Variants in TYW1B observed in about 807,000 individuals in gnomAD.
TYW1B encodes tRNA-yW synthesizing protein 1 homolog B, also known as S-adenosyl-L-methionine-dependent tRNA 4-demethylwyosine synthase TYW1B.
TYW1B carries 73 observed loss-of-function variants against 86.9 expected under a neutral mutation model. That is an observed-to-expected ratio of 0.84 (90% CI 0.70 to 1.02). The LOEUF is 1.02. Ranked by LOEUF, TYW1B falls within the 50% of genes least tolerant of loss-of-function variation. TYW1B has a pLI of 0.00. For missense variants in TYW1B, 637 were observed against 827.4 expected, an observed-to-expected ratio of 0.77 and a Z score of 2.82; for synonymous variants, 248 against 292.8, an observed-to-expected ratio of 0.85 and a Z score of 1.56.
intron 7 of TYW1B, among the ~76,000 whole-genome samples, chr7:72,757,440 AC>A (rs1486149338): frequency 1.2e-4 from 18 of 152,204 alleles, no homozygotes; most frequent in Admixed American, 5.9e-4. Context: ...ATAAAAAAAA[AC>A]AATGGAGAAC....
chr7:72,716,243 G>C (rs1786780836), intron 9 of TYW1B, among the ~76,000 whole-genome samples: 1 of 152,050 alleles, frequency 6.6e-6, no homozygotes, highest in Non-Finnish European at 1.5e-5. Context: ...AGCCATTATT[G>C]GCCATCTTTG....
intron 11 of TYW1B, among the ~76,000 whole-genome samples, chr7:72,674,129 A>G (rs563006215): frequency 8.5e-5 from 13 of 152,200 alleles, no homozygotes; most frequent in African/African-American, 2.9e-4. Flanking sequence ...TGAAGTGTGG[A>G]GTGTCAGCAA....
chr7:72,785,381 TATTCTA>T (rs1554472262), intron 6 of TYW1B, among the ~76,000 whole-genome samples: 1 of 147,792 alleles, frequency 6.8e-6, no homozygotes, highest in African/African-American at 2.4e-5. Flanking sequence ...ATTAAAGTTA[TATTCTA>T]ATTCTAATTA....
chr7:72,787,705 AG>A (rs1554472732), intron 6 of TYW1B, among the ~76,000 whole-genome samples: 1 of 151,972 alleles, frequency 6.6e-6, no homozygotes, highest in Non-Finnish European at 1.5e-5. Flanking sequence ...AGGGAGGTAG[AG>A]GCTGCAGTGA....
intron 11 of TYW1B, among the ~76,000 whole-genome samples, chr7:72,636,297 G>A (rs1288849058): frequency 2.0e-5 from 3 of 152,062 alleles, no homozygotes; most frequent in Non-Finnish European, 4.4e-5. Flanking sequence ...AGCTGACTGT[G>A]TATCTATATA....
chr7:72,710,398 T>TA (rs1786626506), intron 10 of TYW1B, among the ~76,000 whole-genome samples: 1 of 152,220 alleles, frequency 6.6e-6, no homozygotes, highest in Admixed American at 6.5e-5. Flanking sequence ...CATTGACTTT[T>TA]AAAAAACATT....
intron 7 of TYW1B, among the ~76,000 whole-genome samples, chr7:72,752,331 T>C (rs1422997828): frequency 6.6e-6 from 1 of 151,990 alleles, no homozygotes; most frequent in Non-Finnish European, 1.5e-5. Flanking sequence ...ATTTGGATTA[T>C]AAACTAAGAA....
At chr7:72,687,503 C>T (rs1390397326) in intron 11 of TYW1B, among the ~76,000 whole-genome samples, 2 of 152,042 alleles carry the variant, frequency 1.3e-5, no homozygotes, top group Admixed American at 6.6e-5. Flanking sequence ...TGTATCTGGA[C>T]TTGTATTCAG....
intron 7 of TYW1B, among the ~76,000 whole-genome samples, chr7:72,761,187 C>G (rs1421839907): frequency 6.6e-6 from 1 of 151,974 alleles, no homozygotes; most frequent in Non-Finnish European, 1.5e-5. Flanking sequence ...TTATTTCCAA[C>G]TAAGATTTTT....
chr7:72,644,559 A>C (rs1246893386), intron 11 of TYW1B, among the ~76,000 whole-genome samples: 4 of 152,158 alleles, frequency 2.6e-5, no homozygotes, highest in African/African-American at 4.8e-5. Flanking sequence ...ATCAATCAAT[A>C]AATATAAATA....
intron 3 of TYW1B, among the ~76,000 whole-genome samples, chr7:72,812,651 G>C (rs1403986239): frequency 1.3e-5 from 2 of 151,688 alleles, no homozygotes; most frequent in Non-Finnish European, 2.9e-5. Flanking sequence ...ACTAAGACAG[G>C]GCCGGTAAAC....
chr7:72,794,820 CTTTTT>C (rs782680796), intron 6 of TYW1B, among the ~76,000 whole-genome samples: 3 of 139,148 alleles, frequency 2.2e-5, no homozygotes. Context: ...CCCCACTTTT[CTTTTT>C]TTTTTTTTTT....
Position 72,713,679 on chromosome 7 carries a change from G to A in TYW1B, c.1312C>T (p.His438Tyr), listed in dbSNP as rs782556917. The change falls in exon 10 of 14, where the codon CAC becomes TAC. Residue 438 changes from histidine (H) to tyrosine (Y), a missense_variant. His to Tyr is a moderately conservative substitution (Grantham distance 83). Transcript: ENST00000620995. ...PEINRFLKLL[H>Y]QCKISSFLVT... ...AGGAAGCTGGAGATTTTACACTGGT[G>A]GAGTAGCTTCAAAAACCTGTTGATC... The A allele has an allele frequency of 3.7e-6, 6 of 1,613,908 alleles. No individual in the cohort carries two copies. Among genetic ancestry groups the A allele is most frequent in the Non-Finnish European group, 4.2e-6 (5 of 1,180,004 alleles).
intron 7 of TYW1B, among the ~76,000 whole-genome samples, chr7:72,763,035 T>C (rs1787711204): frequency 6.6e-6 from 1 of 152,092 alleles, no homozygotes; most frequent in South Asian, 2.1e-4. Context: ...TCTTTCTGTT[T>C]CTGATTAAAT....
intron 11 of TYW1B, among the ~76,000 whole-genome samples, chr7:72,643,167 T>C (rs1334405351): frequency 5.9e-5 from 9 of 151,804 alleles, no homozygotes; most frequent in African/African-American, 2.2e-4. Flanking sequence ...TAAGCAATAA[T>C]ATAAATATAA....
intron 11 of TYW1B, among the ~76,000 whole-genome samples, chr7:72,663,112 A>G (rs1381536181): frequency 1.4e-4 from 21 of 147,784 alleles, no homozygotes; most frequent in Non-Finnish European, 2.7e-4. Flanking sequence ...GAATGATTCC[A>G]TGTAGAAGAA....
chr7:72,630,459 CCAACCCT>C (rs1424742319), intron 11 of TYW1B, among the ~76,000 whole-genome samples: 1 of 151,386 alleles, frequency 6.6e-6, no homozygotes, highest in Non-Finnish European at 1.5e-5. Flanking sequence ...ACTCAGGCTG[CCAACCCT>C]CAAACCACAC....
intron 7 of TYW1B, among the ~76,000 whole-genome samples, chr7:72,757,886 A>G (rs1206118318): frequency 6.6e-6 from 1 of 152,206 alleles, no homozygotes; most frequent in Non-Finnish European, 1.5e-5. Context: ...GTAGCTAAGA[A>G]TAATGACTTC....
intron 11 of TYW1B, among the ~76,000 whole-genome samples, chr7:72,658,729 T>C (rs1454161418): frequency 6.6e-6 from 1 of 152,232 alleles, no homozygotes; most frequent in African/African-American, 2.4e-5. Flanking sequence ...TTTGTATTGT[T>C]TTGTTTTTTG....
Sources: allele counts gnomAD v4.1 joint callset (sites outside exome capture counted in the v4.1 genomes callset), GRCh38; gene constraint gnomAD v4.1.1; transcripts MANE v1.5; gene names NCBI Gene and HGNC (gene_info 2026-07-23, HGNC 2026-07-21).